The following CIITA variants were observed in gnomAD, a reference collection of about 807,000 sequenced individuals.
CIITA encodes MHC class II transactivator.
In CIITA, 72 loss-of-function variants were observed where a neutral mutation model predicts 115.1. The ratio of observed to expected loss-of-function variants is 0.63; its 90% CI spans 0.52 to 0.76. The LOEUF (loss-of-function observed/expected upper bound fraction) is 0.76, where lower values mean the gene tolerates loss of function less well. Among genes scored for constraint, CIITA ranks in the 30% least tolerant of loss-of-function variants. The probability of loss-of-function intolerance (pLI) is 0.00; values close to 1 mark genes in which losing one functional copy is unlikely to be tolerated. For missense variants in CIITA, 1,617 were observed against 1,463.8 expected (o/e 1.10, Z -1.71); for synonymous variants, 763 against 635.6 (o/e 1.20, Z -3.02).
At chr16:10,866,331 G>T (rs773231070) in intron 1 of CIITA, 4 of 569,460 alleles carry the variant, frequency 7.0e-6, no homozygotes, top group African/African-American at 1.9e-5. Context: ...TGAGAATGCT[G>T]CTCTCCAGCC....
chr16:10,901,566 G>C lies in CIITA; in HGVS notation c.481+8G>C, dbSNP rs2038756007. 1 of 1,613,798 alleles carries C rather than the reference G, an allele frequency of 6.2e-7. No individual in the cohort carries two copies. Among genetic ancestry groups the C allele is most frequent in the Non-Finnish European group, 8.5e-7 (1 of 1,179,914 alleles). On this transcript the variant is annotated splice_region_variant and intron_variant, in intron 6 of 19. Transcript: ENST00000324288. This position sits in a 1 kb window ranked among gnomAD's most constrained non-coding sequence, Gnocchi z 6.8. Reference sequence around the variant, plus strand: ...TGAAGCACTGGAAGCCAGGTGTGCAGGGCAGGTGGGCTGGGGTTGGGAAGG... The same window carrying C: ...TGAAGCACTGGAAGCCAGGTGTGCACGGCAGGTGGGCTGGGGTTGGGAAGG...
intron 1 of CIITA, among the ~76,000 whole-genome samples, chr16:10,888,930 T>C (rs2037242185): frequency 6.6e-6 from 1 of 152,230 alleles, no homozygotes; most frequent in Admixed American, 6.5e-5. Flanking sequence ...AGCCTGTCTC[T>C]TCATCTGAAA....
In CIITA at chr16:10,901,800, C is replaced by G. The variant is rs2038786257; in HGVS notation, c.482-238C>G. On this transcript the variant is annotated intron_variant, in intron 6 of 19. Coordinates refer to ENST00000324288, the MANE Select transcript of CIITA (RefSeq NM_000246.4). The surrounding 1 kb of genome is among the most constrained non-coding windows in gnomAD (Gnocchi z 6.8). ...TCATAGGTTCTATTCTGCCCCAGCT[C>G]TCCGTGTGGAGGCCCTAGGGTCCTG... is the stretch of plus-strand genomic sequence containing the variant. 1.5e-6 allele frequency: 1 copy of G among 681,986 alleles called. No homozygotes were observed. Among genetic ancestry groups the G allele is most frequent in the Non-Finnish European group, 2.5e-6 (1 of 399,334 alleles). The allele number at this position is 681,986 out of a possible 1,614,324, so 42.2% of individuals were successfully genotyped here. A position where few individuals can be genotyped will look rare whatever the true frequency, so the allele number is the denominator to read the frequency against.
chr16:10,880,879 G>C (rs1437699784), intron 1 of CIITA, among the ~76,000 whole-genome samples: 1 of 152,204 alleles, frequency 6.6e-6, no homozygotes, highest in Non-Finnish European at 1.5e-5. Context: ...GAGCTTGCTT[G>C]ATGATGTCTG....
intron 15 of CIITA, among the ~76,000 whole-genome samples, chr16:10,918,061 T>C (rs879338268): frequency 3.9e-5 from 6 of 152,154 alleles, no homozygotes; most frequent in Admixed American, 6.5e-5. Context: ...GGCACAGGGA[T>C]ACAGTAATGA....
intron 1 of CIITA, among the ~76,000 whole-genome samples, chr16:10,888,953 A>G (rs1185237256): frequency 6.6e-6 from 1 of 152,196 alleles, no homozygotes; most frequent in Non-Finnish European, 1.5e-5. Flanking sequence ...CAGGAATACA[A>G]ATAGCTGATG....
chr16:10,904,922 C>A, intron 10 of CIITA, 110 bp downstream of exon 10: 2 of 1,103,898 alleles, frequency 1.8e-6, no homozygotes, highest in Non-Finnish European at 2.8e-6. Flanking sequence ...TGTTGGCTCA[C>A]ACACTCATTT....
intron 14 of CIITA, 134 bp from the exon 15 acceptor site, chr16:10,916,233 C>T (rs573814518): frequency 4.7e-5 from 37 of 795,272 alleles, no homozygotes; most frequent in South Asian, 4.3e-4. Context: ...AGGAATGTGC[C>T]GGCTGCCTAT....
At position 10,915,626 on chromosome 16, in the gene CIITA, C is replaced by A. The variant is rs199476077; in HGVS notation, c.2945C>A (p.Ala982Asp). 6.2e-7 allele frequency: 1 copy of A among 1,614,132 alleles called. No homozygotes were observed. Among genetic ancestry groups the A allele is most frequent in the Non-Finnish European group, 8.5e-7 (1 of 1,179,986 alleles). The change falls in exon 14 of 20, where the codon GCC (alanine) becomes GAC (aspartate). Residue 982 changes from alanine (A) to aspartate (D), a missense_variant. Physicochemically the swap from Ala to Asp is moderately radical, Grantham distance 126. Coordinates refer to ENST00000324288, the MANE Select transcript of CIITA (RefSeq NM_000246.4). ...AFPKLVRILT[A>D]FSSLQHLDLD... ...CCCAAACTGGTGCGGATCCTCACGG[C>A]CTTTTCCTCCCTGCAGCATCTGGAG...
chr16:10,940,124 T>C (rs1022301203), downstream of CIITA: 1 of 152,258 alleles, frequency 6.6e-6, no homozygotes, highest in Non-Finnish European at 1.5e-5. This position sits in a 1 kb window ranked among gnomAD's most constrained non-coding sequence, Gnocchi z 4.2. Context: ...TGCCGCCAGC[T>C]ATGCTGTCAG....
intron 16 of CIITA, among the ~76,000 whole-genome samples, chr16:10,919,286 C>G (rs914814876): frequency 1.3e-5 from 2 of 151,856 alleles, no homozygotes; most frequent in South Asian, 4.2e-4. Flanking sequence ...TTCTGCCCCC[C>G]CCCAGGTTCA....
intron 8 of CIITA, 124 bp downstream of exon 8, chr16:10,902,925 C>T (rs1385235293): frequency 7.7e-6 from 9 of 1,167,320 alleles, no homozygotes; most frequent in East Asian, 2.4e-5. Flanking sequence ...ATCCTCCCTC[C>T]CCAGCACAAC....
At chr16:10,872,636 G>C (rs113575991), upstream of CIITA, among the ~76,000 whole-genome samples, 1 of 152,122 alleles carries the variant, frequency 6.6e-6, no homozygotes, top group East Asian at 1.9e-4. Flanking sequence ...CCATCAGCAG[G>C]TCCAGGTTCT....
chr16:10,866,521 G>A, intron 1 of CIITA: 1 of 555,074 alleles, frequency 1.8e-6, no homozygotes, highest in Non-Finnish European at 3.5e-6. Flanking sequence ...GGCCCGGAGT[G>A]GGCTGCAGCC....
rs2145171758 is a variant in CIITA at position 10,923,218 on chromosome 16, C to G, written c.3318-10C>G. 2 of 1,612,522 alleles carry G rather than the reference C, an allele frequency of 1.2e-6. No individual in the cohort carries two copies. Among genetic ancestry groups the G allele is most frequent in the South Asian group, 2.2e-5 (2 of 91,082 alleles). On this transcript the variant is annotated splice_polypyrimidine_tract_variant and intron_variant, in intron 18 of 19. Coordinates refer to ENST00000324288, the MANE Select transcript of CIITA (RefSeq NM_000246.4). The surrounding 1 kb of genome is among the most constrained non-coding windows in gnomAD (Gnocchi z 5.2). Reference sequence around the variant, plus strand: ...TCTAACCTGGCTCTGAGTCCCATCCCCCCTTGCAGGATGTGGACGCCCACC... The same window carrying G: ...TCTAACCTGGCTCTGAGTCCCATCCGCCCTTGCAGGATGTGGACGCCCACC...
Position 10,879,508 on chromosome 16 carries a change from G to A in CIITA, c.52+2126G>A, listed in dbSNP as rs2036195731. ...TCCATCTCTAACTCTGGAATCTTGG[G>A]TATTGGGCTCTCCAGGCGGGGGGCC... is the stretch of plus-strand genomic sequence containing the variant. On this transcript the variant is annotated intron_variant, in intron 1 of 19. Coordinates refer to ENST00000324288, the MANE Select transcript of CIITA (RefSeq NM_000246.4). This position sits in a 1 kb window ranked among gnomAD's most constrained non-coding sequence, Gnocchi z 4.3. 6.6e-6 allele frequency among the ~76,000 whole-genome samples: 1 copy of A among 152,168 alleles called. No individual in the cohort carries two copies. The highest frequency in any genetic ancestry group is 1.9e-4 in the East Asian group (1 of 5,188).
At position 10,895,671 on chromosome 16, in the gene CIITA, C is replaced by A. The variant is rs2038059047; in HGVS notation, c.202C>A (p.Pro68Thr). 6.2e-6 allele frequency: 10 copies of A among 1,614,188 alleles called. No individual in the cohort carries two copies. The highest frequency in any genetic ancestry group is 8.5e-6 in the Non-Finnish European group (10 of 1,180,038). The change falls in exon 3 of 20, where the codon CCC (proline) becomes ACC (threonine). Residue 68 changes from proline (P) to threonine (T), a missense_variant and splice_region_variant. Transcript: ENST00000324288. ...GEEEIELYSE[P>T]DTDTINCDQF... ...ATCCAAGGGACTTTTCCTCCCAGAA[C>A]CCGACACAGACACCATCAACTGCGA...
At position 10,906,610 on chromosome 16, in the gene CIITA, G is replaced by T; in HGVS notation, c.1118G>T (p.Ser373Ile). 6.2e-7 allele frequency: 1 copy of T among 1,613,884 alleles called. No homozygotes were observed. Among genetic ancestry groups the T allele is most frequent in the Non-Finnish European group, 8.5e-7 (1 of 1,180,008 alleles). Residue 373 changes from serine (S) to isoleucine (I), a missense_variant, in exon 11 of 20, where the codon AGC (serine) becomes ATC (isoleucine). Ser to Ile is a moderately radical substitution (Grantham distance 142, BLOSUM62 -2). Transcript: ENST00000324288. ...CTGGTGCAGGCCAGGCTGGAGAGGA[G>T]CAGCAGCAAGAGCCTGGAGCGGGAA... Reference protein sequence around the residue: ...VDLVQARLERSSSKSLERELA... With the variant: ...VDLVQARLERISSKSLERELA...
chr16:10,922,311 T>C, intron 17 of CIITA, 61 bp downstream of exon 17: 2 of 1,604,626 alleles, frequency 1.2e-6, no homozygotes, highest in Non-Finnish European at 1.7e-6. Context: ...CTGAAGTCTC[T>C]CCCTGGTGTC....
Sources: allele counts gnomAD v4.1 joint callset (sites outside exome capture counted in the v4.1 genomes callset), GRCh38; gene constraint gnomAD v4.1.1; non-coding constraint Gnocchi (gnomAD v3.1); transcripts MANE v1.5; gene names NCBI Gene and HGNC (gene_info 2026-07-23, HGNC 2026-07-21).